PPARGC1B: variants seen among roughly 807,000 people sequenced by gnomAD.
The protein encoded by PPARGC1B is PPARG coactivator 1 beta.
PPARGC1B carries 34 observed loss-of-function variants against 101.6 expected under a neutral mutation model. That is an observed-to-expected ratio of 0.33 (90% CI 0.25 to 0.45). PPARGC1B has a LOEUF of 0.45. Ranked by LOEUF, PPARGC1B falls within the 20% of genes least tolerant of loss-of-function variation. The pLI is 1.00. For missense variants in PPARGC1B, 1,234 were observed against 1,317.6 expected (o/e 0.94, Z 0.98); for synonymous variants, 548 against 539.3 (o/e 1.02, Z -0.22).
Position 149,851,384 on chromosome 5 carries a change from C to T in PPARGC1B, c.*3826C>T, listed in dbSNP as rs1759756179. ...TAGAGTTCAGTTAATCCCATTTGAG[C>T]CTGCAGCTTAAGAGATGGCTCATCC... is the stretch of plus-strand genomic sequence containing the variant. On this transcript the variant is annotated 3_prime_UTR_variant, in exon 12 of 12. Transcript: ENST00000309241. The T allele has an allele frequency of 6.6e-6, 1 of 152,182 alleles. No homozygotes were observed. Among genetic ancestry groups the T allele is most frequent in the Non-Finnish European group, 1.5e-5 (1 of 68,042 alleles). The allele number at this position is 152,182 out of a possible 1,614,324, so 9.4% of individuals were successfully genotyped here. A position where few individuals can be genotyped will look rare whatever the true frequency, so the allele number is the denominator to read the frequency against.
At chr5:149,816,127 A>T (rs1758043592) in intron 1 of PPARGC1B, among the ~76,000 whole-genome samples, 1 of 152,268 alleles carries the variant, frequency 6.6e-6, no homozygotes, top group Admixed American at 6.5e-5. Context: ...GCCTCTCTAA[A>T]TATGGAGATG....
rs1759732258 is a variant in PPARGC1B at position 149,850,689 on chromosome 5, G to A, written c.*3131G>A. 6.6e-6 allele frequency: 1 copy of A among 152,224 alleles called. No homozygotes were observed. Among genetic ancestry groups the A allele is most frequent in the African/African-American group, 2.4e-5 (1 of 41,442 alleles). The allele number at this position is 152,224 out of a possible 1,614,324, so 9.4% of individuals were successfully genotyped here. The stretch of plus-strand genomic sequence containing the variant: ...CATCTCGTTGTAGCTCTGTCCTAGT[G>A]TTTGCTCTTGATGATGTTTACATGT... On this transcript the variant is annotated 3_prime_UTR_variant, in exon 12 of 12. Transcript: ENST00000309241.
At chr5:149,763,356 T>A (rs1755783623) in intron 1 of PPARGC1B, among the ~76,000 whole-genome samples, 1 of 152,132 alleles carries the variant, frequency 6.6e-6, no homozygotes, top group African/African-American at 2.4e-5. Flanking sequence ...TTTCTTGTCA[T>A]CAGGGGCTGT....
intron 1 of PPARGC1B, among the ~76,000 whole-genome samples, chr5:149,757,024 A>G (rs1755553476): frequency 6.6e-6 from 1 of 152,164 alleles, no homozygotes; most frequent in Non-Finnish European, 1.5e-5. Flanking sequence ...ATCCTTCAGG[A>G]GCTCACACAG....
chr5:149,790,686 T>C (rs936600403), intron 1 of PPARGC1B, among the ~76,000 whole-genome samples: 1 of 152,182 alleles, frequency 6.6e-6, no homozygotes, highest in Non-Finnish European at 1.5e-5. Flanking sequence ...CATTGATTAT[T>C]TGCTTTCCTG....
intron 9 of PPARGC1B, 123 bp from the exon 10 acceptor site, chr5:149,842,133 C>A: frequency 8.1e-7 from 1 of 1,237,016 alleles, no homozygotes; most frequent in Non-Finnish European, 1.1e-6. Context: ...TGACTCCAGC[C>A]GGTATTGCTC....
intron 1 of PPARGC1B, among the ~76,000 whole-genome samples, chr5:149,732,430 G>C (rs139480961): frequency 1.3e-5 from 2 of 152,204 alleles, no homozygotes; most frequent in Non-Finnish European, 2.9e-5. Context: ...ATTTTAACTC[G>C]ATCTTCAGTG....
chr5:149,842,355 G>C lies in PPARGC1B; in HGVS notation c.2794G>C (p.Glu932Gln). The C allele has an allele frequency of 1.2e-6, 2 of 1,614,078 alleles. No homozygotes were observed. The highest frequency in any genetic ancestry group is 2.2e-5 in the East Asian group (1 of 44,872). Reference sequence around the variant, plus strand: ...AGTGTTTGGTGAGATTGAGGAGTGCGAGGTGCTGACAAGAAATAGGAGGTG... The same window carrying C: ...AGTGTTTGGTGAGATTGAGGAGTGCCAGGTGCTGACAAGAAATAGGAGGTG... ...FEVFGEIEEC[E>Q]VLTRNRRGEK... is the part of the protein sequence containing the mutation. Residue 932 changes from glutamate to glutamine, a missense_variant, in exon 10 of 12, where the codon GAG (glutamate) becomes CAG (glutamine). Around this residue, in one of 3 missense-constraint regions of PPARGC1B, gnomAD observed 497 missense variants for 529.5 expected, o/e 0.94. Transcript: ENST00000309241.
chr5:149,848,777 A>C lies in PPARGC1B; in HGVS notation c.*1219A>C, dbSNP rs1450934165. On this transcript the variant is annotated 3_prime_UTR_variant, in exon 12 of 12. Transcript: ENST00000309241. ...TCTTTTTTGGGCCAGCCACCAGCCC[A>C]TCCTACTCCCTCAGGTAGTCCTTCG... 1 of 152,226 alleles carries C rather than the reference A, an allele frequency of 6.6e-6. No individual in the cohort carries two copies. Among genetic ancestry groups the C allele is most frequent in the East Asian group, 1.9e-4 (1 of 5,184 alleles). The allele number at this position is 152,226 out of a possible 1,614,324, so 9.4% of individuals were successfully genotyped here. A position where few individuals can be genotyped will look rare whatever the true frequency, so the allele number is the denominator to read the frequency against.
intron 1 of PPARGC1B, chr5:149,761,469 C>T (rs1755715118): frequency 6.6e-6 from 1 of 152,102 alleles, no homozygotes; most frequent in Non-Finnish European, 1.5e-5. Flanking sequence ...GCTTTTCCCA[C>T]TTCTGGGTAT....
At chr5:149,809,347 T>C (rs1264178268) in intron 1 of PPARGC1B, among the ~76,000 whole-genome samples, 4 of 92,390 alleles carry the variant, frequency 4.3e-5, no homozygotes, top group African/African-American at 1.4e-4. Flanking sequence ...GATCCATCTC[T>C]ACCATAGATA....
At chr5:149,752,972 C>T (rs1371196925) in intron 1 of PPARGC1B, among the ~76,000 whole-genome samples, 1 of 152,236 alleles carries the variant, frequency 6.6e-6, no homozygotes, top group South Asian at 2.1e-4. Flanking sequence ...CTAATGTGTT[C>T]TTCCAGAGGT....
intron 1 of PPARGC1B, chr5:149,740,178 G>T (rs1200865437): frequency 1.3e-5 from 2 of 152,274 alleles, no homozygotes; most frequent in Non-Finnish European, 2.9e-5. Flanking sequence ...TGAGAGGGCT[G>T]TGAATTCTAG....
chr5:149,773,953 T>C (rs937613220), intron 1 of PPARGC1B, among the ~76,000 whole-genome samples: 15 of 152,224 alleles, frequency 9.9e-5, no homozygotes, highest in African/African-American at 3.6e-4. Context: ...GTTGGTGCTC[T>C]GTCCCCAGAT....
intron 1 of PPARGC1B, among the ~76,000 whole-genome samples, chr5:149,750,448 G>GT (rs1213722065): frequency 7.0e-5 from 7 of 99,564 alleles, no homozygotes; most frequent in African/African-American, 2.8e-4. Flanking sequence ...CTCTGTTTTA[G>GT]TTAAAATATA....
Position 149,730,317 on chromosome 5 carries a change from C to A in PPARGC1B, c.-26C>A, listed in dbSNP as rs1279062952. The A allele has an allele frequency of 5.9e-5, 91 of 1,530,824 alleles. No individual in the cohort carries two copies. Among genetic ancestry groups the A allele is most frequent in the Non-Finnish European group, 7.6e-5 (87 of 1,140,266 alleles). The allele number at this position is 1,530,824 out of a possible 1,614,324, so 94.8% of individuals were successfully genotyped here. A position where few individuals can be genotyped will look rare whatever the true frequency, so the allele number is the denominator to read the frequency against. ...CCGGGCCGGCTCGGCGTTGACTCCG[C>A]CGCACGCTGCAGCCGCGGCTGGAAG... On this transcript the variant is annotated 5_prime_UTR_variant, in exon 1 of 12. Coordinates refer to ENST00000309241, the MANE Select transcript of PPARGC1B (RefSeq NM_133263.4). The surrounding 1 kb of genome is among the most constrained non-coding windows in gnomAD (Gnocchi z 4.0).
chr5:149,813,979 C>A (rs1757956378), intron 1 of PPARGC1B, among the ~76,000 whole-genome samples: 1 of 152,162 alleles, frequency 6.6e-6, no homozygotes, highest in South Asian at 2.1e-4. Flanking sequence ...GGCCTCGCCT[C>A]CTCATGGCCT....
rs1561639718 is a variant in PPARGC1B, at chr5:149,845,840, AGC to A, written c.2900_2901del (p.Arg967GlnfsTer22). ...TTGACAAAGGGCGCTGCCCTGAGGAAGCGCAACGAGCCCTCCTTCCAGCTGAG... is the reference window on the plus strand; with the variant it reads ...TTGACAAAGGGCGCTGCCCTGAGGAAGCAACGAGCCCTCCTTCCAGCTGAG... On this transcript the variant is annotated frameshift_variant, in exon 11 of 12. Coordinates refer to ENST00000309241, the MANE Select transcript of PPARGC1B (RefSeq NM_133263.4). LOFTEE classifies it high-confidence loss of function. The A allele has an allele frequency of 1.2e-6, 2 of 1,614,206 alleles. No individual in the cohort carries two copies. Among genetic ancestry groups the A allele is most frequent in the Middle Eastern group, 1.7e-4 (1 of 6,058 alleles).
intron 1 of PPARGC1B, among the ~76,000 whole-genome samples, chr5:149,784,632 A>G (rs1420636631): frequency 1.4e-5 from 2 of 138,986 alleles, no homozygotes; most frequent in South Asian, 2.3e-4. Flanking sequence ...CAGTGGCGCA[A>G]TCTCGGCTCA....
Sources: allele counts gnomAD v4.1 joint callset (sites outside exome capture counted in the v4.1 genomes callset), GRCh38; gene constraint gnomAD v4.1.1; regional missense constraint gnomAD v4.1.1; non-coding constraint Gnocchi (gnomAD v3.1); transcripts MANE v1.5; gene names NCBI Gene and HGNC (gene_info 2026-07-23, HGNC 2026-07-21).